Variants in PRKG1 observed in about 807,000 individuals in gnomAD.
PRKG1 encodes the protein cGMP-dependent protein kinase 1.
Under a neutral mutation model 88.1 loss-of-function variants are expected in PRKG1, and 35 were observed. The ratio of observed to expected loss-of-function variants is 0.40; its 90% confidence interval spans 0.30 to 0.53. The LOEUF (loss-of-function observed/expected upper bound fraction) is 0.53. Among genes scored for constraint, PRKG1 ranks in the 20% least tolerant of loss-of-function variants. PRKG1 has a pLI of 0.59. For synonymous variants in PRKG1, 303 were observed against 292.5 expected (o/e 1.04, Z -0.37); for missense variants, 540 against 839.8 (o/e 0.64, Z 4.41).
intron 3 of PRKG1, among the ~76,000 whole-genome samples, chr10:51,760,143 G>A (rs564193306): frequency 1.3e-5 from 2 of 152,146 alleles, no homozygotes; most frequent in Admixed American, 6.5e-5. Context: ...TGTTTTATTC[G>A]ATGTGTTAAT....
chr10:51,726,078 G>C (rs999710601), intron 3 of PRKG1, among the ~76,000 whole-genome samples: 6 of 152,190 alleles, frequency 3.9e-5, no homozygotes, highest in Admixed American at 3.9e-4. Context: ...CATGAAAGTT[G>C]ACTAGCTCTT....
intron 9 of PRKG1, among the ~76,000 whole-genome samples, chr10:52,222,058 C>T (rs1840258120): frequency 6.6e-6 from 1 of 152,146 alleles, no homozygotes; most frequent in South Asian, 2.1e-4. Context: ...GCTGCTCCTC[C>T]TTCTCCCAGA....
At chr10:51,421,811 A>G (rs887539786) in intron 2 of PRKG1, among the ~76,000 whole-genome samples, 1 of 152,160 alleles carries the variant, frequency 6.6e-6, no homozygotes, top group African/African-American at 2.4e-5. Flanking sequence ...ATCCCTATTG[A>G]AACACTGATA....
At chr10:51,856,066 CA>C (rs1379497857) in intron 4 of PRKG1, among the ~76,000 whole-genome samples, 1 of 152,264 alleles carries the variant, frequency 6.6e-6, no homozygotes, top group Middle Eastern at 3.4e-3. Flanking sequence ...CACATCCCTT[CA>C]ATCTCTGCTC....
At chr10:51,027,581 T>C (rs1437387709) in intron 1 of PRKG1, among the ~76,000 whole-genome samples, 1 of 152,214 alleles carries the variant, frequency 6.6e-6, no homozygotes, top group African/African-American at 2.4e-5. Context: ...TTTAAAATGA[T>C]CACATTGAGA....
chr10:51,272,205 A>G (rs1839998545), intron 2 of PRKG1, among the ~76,000 whole-genome samples: 1 of 152,172 alleles, frequency 6.6e-6, no homozygotes, highest in Non-Finnish European at 1.5e-5. Flanking sequence ...TGTTGGCTGC[A>G]TAAATGTCTT....
intron 3 of PRKG1, among the ~76,000 whole-genome samples, chr10:51,478,875 T>A (rs1055784899): frequency 6.6e-6 from 1 of 152,002 alleles, no homozygotes; most frequent in African/African-American, 2.4e-5. Flanking sequence ...ATGCTAAATA[T>A]CTTCTGAAAC....
chr10:51,878,491 T>G (rs572071357), intron 4 of PRKG1, among the ~76,000 whole-genome samples: 64 of 152,274 alleles, frequency 4.2e-4, no homozygotes, highest in African/African-American at 1.4e-3. Context: ...CAGATAAAAC[T>G]ACTCATACAA....
intron 1 of PRKG1, among the ~76,000 whole-genome samples, chr10:51,007,982 A>C (rs1190020922): frequency 6.6e-6 from 1 of 152,280 alleles, no homozygotes; most frequent in East Asian, 1.9e-4. Context: ...ACTCAGTGCA[A>C]ACACATCAAG....
At chr10:51,316,711 A>AATAAATAAAT (rs1486983595) in intron 2 of PRKG1, among the ~76,000 whole-genome samples, 1 of 152,016 alleles carries the variant, frequency 6.6e-6, no homozygotes, top group Non-Finnish European at 1.5e-5. Flanking sequence ...TAAATAAATA[A>AATAAATAAAT]AAAGACAAAA....
At chr10:51,064,926 A>G (rs1323462041) in intron 1 of PRKG1, among the ~76,000 whole-genome samples, 2 of 152,092 alleles carry the variant, frequency 1.3e-5, no homozygotes, top group Admixed American at 6.6e-5. Context: ...GAAATAATAT[A>G]TGTATGTTAA....
At chr10:51,290,734 T>G (rs962751899) in intron 2 of PRKG1, among the ~76,000 whole-genome samples, 47 of 152,190 alleles carry the variant, frequency 3.1e-4, no homozygotes, top group African/African-American at 9.6e-4. Context: ...CCAAAGACAT[T>G]TCCCTAGCCC....
intron 5 of PRKG1, among the ~76,000 whole-genome samples, chr10:52,018,104 C>T (rs2133185296): frequency 6.6e-6 from 1 of 152,228 alleles, no homozygotes; most frequent in East Asian, 1.9e-4. Context: ...GGGTGACTTA[C>T]AGCATGCTTT....
intron 1 of PRKG1, among the ~76,000 whole-genome samples, chr10:51,078,641 G>T (rs1214678702): frequency 2.7e-5 from 4 of 148,880 alleles, no homozygotes; most frequent in Non-Finnish European, 5.9e-5. Context: ...TATTGAGACG[G>T]AGTCTCGCTC....
intron 9 of PRKG1, among the ~76,000 whole-genome samples, chr10:52,198,321 A>T (rs922691870): frequency 1.3e-5 from 2 of 152,182 alleles, no homozygotes; most frequent in African/African-American, 4.8e-5. Context: ...TGAGAACTTC[A>T]TTGGTGACTG....
intron 2 of PRKG1, among the ~76,000 whole-genome samples, chr10:51,249,086 A>T (rs1248739678): frequency 6.6e-6 from 1 of 151,810 alleles, no homozygotes; most frequent in African/African-American, 2.4e-5. Context: ...AAACATGATA[A>T]ATTTTTTTAA....
chr10:51,743,491 G>C (rs372727981), intron 3 of PRKG1, among the ~76,000 whole-genome samples: 3 of 151,662 alleles, frequency 2.0e-5, no homozygotes, highest in East Asian at 3.9e-4. Flanking sequence ...GCAACTGGCA[G>C]AAGTCTGTTG....
chr10:51,619,205 T>A (rs533790077), intron 3 of PRKG1, among the ~76,000 whole-genome samples: 352 of 152,256 alleles, frequency 2.3e-3, no homozygotes, highest in African/African-American at 7.9e-3. Context: ...TTTGCTTAAA[T>A]GTACAATATT....
At chr10:51,072,059 G>T (rs965844151), upstream of PRKG1, among the ~76,000 whole-genome samples, 1 of 152,114 alleles carries the variant, frequency 6.6e-6, no homozygotes, top group African/African-American at 2.4e-5. Flanking sequence ...AGCCGGCGTG[G>T]TGGCGGGTGC....
Sources: allele counts gnomAD v4.1 joint callset (sites outside exome capture counted in the v4.1 genomes callset), GRCh38; gene constraint gnomAD v4.1.1; transcripts MANE v1.5; gene names NCBI Gene and HGNC (gene_info 2026-07-23, HGNC 2026-07-21).